Variants in PCBD2 observed in about 807,000 individuals in gnomAD.
The protein encoded by PCBD2 is pterin-4 alpha-carbinolamine dehydratase 2, also known as pterin-4-alpha-carbinolamine dehydratase 2.
A neutral mutation model predicts 16.4 loss-of-function variants in PCBD2; 12 were observed. The ratio of observed to expected loss-of-function variants is 0.73; its 90% confidence interval spans 0.47 to 1.19. PCBD2 has a LOEUF of 1.19. Ranked by LOEUF, PCBD2 falls within the 50% of genes most tolerant of loss-of-function variation. The pLI, the probability that PCBD2 is intolerant of heterozygous loss-of-function variation, is 0.00. For missense variants in PCBD2, 138 were observed against 156.8 expected (o/e 0.88, Z 0.64); for synonymous variants, 58 against 61.8 (o/e 0.94, Z 0.29).
chr5:134,959,841 G>A (rs1751455254), intron 3 of PCBD2, among the ~76,000 whole-genome samples: 1 of 149,238 alleles, frequency 6.7e-6, no homozygotes, highest in South Asian at 2.1e-4. Flanking sequence ...TCAAGAAACA[G>A]CATTCCATCC....
At chr5:134,941,713 A>G (rs1751230160) in intron 2 of PCBD2, among the ~76,000 whole-genome samples, 1 of 152,258 alleles carries the variant, frequency 6.6e-6, no homozygotes. Flanking sequence ...ACACAATTAA[A>G]TGAATATTAT....
chr5:134,929,146 G>A (rs1006304542), intron 2 of PCBD2, among the ~76,000 whole-genome samples: 10 of 152,096 alleles, frequency 6.6e-5, no homozygotes, highest in Non-Finnish European at 1.5e-4. Context: ...CCATTTAGGG[G>A]TGAGTTAGAA....
chr5:134,939,577 C>T (rs994513445), intron 2 of PCBD2, among the ~76,000 whole-genome samples: 7 of 152,128 alleles, frequency 4.6e-5, no homozygotes, highest in African/African-American at 1.7e-4. Context: ...AGACAACCTC[C>T]ATTCTTAAAA....
chr5:134,910,477 T>C lies in PCBD2; in HGVS notation c.216+11T>C, dbSNP rs1317331791. On this transcript the variant is annotated intron_variant, in intron 2 of 3. Coordinates refer to ENST00000254908, the MANE Select transcript of PCBD2 (RefSeq NM_032151.5). The stretch of plus-strand genomic sequence containing the variant: ...CACAATTTTAATCAGGTAATTGTTA[T>C]AAATTCTTGCTAGGGCTGTGGTCTA... The C allele has an allele frequency of 2.5e-6, 4 of 1,613,576 alleles. No homozygotes were observed. The highest frequency in any genetic ancestry group is 1.3e-5 in the African/African-American group (1 of 74,930).
At chr5:134,946,347 T>G (rs1751295501) in intron 2 of PCBD2, among the ~76,000 whole-genome samples, 1 of 152,184 alleles carries the variant, frequency 6.6e-6, no homozygotes, top group African/African-American at 2.4e-5. Flanking sequence ...TGAGACGGTT[T>G]CTTTGCTGGG....
chr5:134,912,554 G>T (rs1285598238), intron 2 of PCBD2, among the ~76,000 whole-genome samples: 3 of 152,194 alleles, frequency 2.0e-5, no homozygotes, highest in Admixed American at 2.0e-4. Flanking sequence ...TTAATAAATC[G>T]TATCTATAGG....
chr5:134,953,501 T>A (rs1751381836), intron 2 of PCBD2, among the ~76,000 whole-genome samples: 1 of 151,908 alleles, frequency 6.6e-6, no homozygotes, highest in African/African-American at 2.4e-5. Flanking sequence ...GAAAATATAG[T>A]CTTCTATTTC....
At chr5:134,957,217 C>G (rs1751424405) in intron 2 of PCBD2, among the ~76,000 whole-genome samples, 1 of 152,136 alleles carries the variant, frequency 6.6e-6, no homozygotes, top group Non-Finnish European at 1.5e-5. Flanking sequence ...CAAGATAATC[C>G]CACTGCACTC....
At chr5:134,936,921 T>G (rs1291094484) in intron 2 of PCBD2, among the ~76,000 whole-genome samples, 3 of 152,188 alleles carry the variant, frequency 2.0e-5, no homozygotes, top group African/African-American at 7.2e-5. Flanking sequence ...TTGCCAGATT[T>G]TGTCACTCAT....
At chr5:134,953,665 G>A (rs766985002) in intron 2 of PCBD2, among the ~76,000 whole-genome samples, 1 of 151,970 alleles carries the variant, frequency 6.6e-6, no homozygotes. Context: ...GCCGGGTGTG[G>A]TGGCACGTGC....
chr5:134,935,338 T>G (rs1294643259), intron 2 of PCBD2, among the ~76,000 whole-genome samples: 1 of 152,230 alleles, frequency 6.6e-6, no homozygotes, highest in Non-Finnish European at 1.5e-5. Flanking sequence ...CTTAGAAAAT[T>G]GGGTACATGC....
At chr5:134,943,358 T>G (rs1751255040) in intron 2 of PCBD2, among the ~76,000 whole-genome samples, 1 of 152,118 alleles carries the variant, frequency 6.6e-6, no homozygotes, top group South Asian at 2.1e-4. Context: ...AAACATGAAT[T>G]AGCAAGTGGG....
chr5:134,955,219 C>T (rs1308135747), intron 2 of PCBD2, among the ~76,000 whole-genome samples: 7 of 151,086 alleles, frequency 4.6e-5, no homozygotes, highest in Admixed American at 4.6e-4. Context: ...AAATTTTTAT[C>T]CCCAAGTGTT....
chr5:134,943,664 G>A (rs534194619), intron 2 of PCBD2, among the ~76,000 whole-genome samples: 1 of 152,166 alleles, frequency 6.6e-6, no homozygotes, highest in Non-Finnish European at 1.5e-5. Flanking sequence ...ACAAGAGACT[G>A]AAAAATGGTG....
chr5:134,926,521 CT>C, intron 2 of PCBD2: 1 of 394,864 alleles, frequency 2.5e-6, no homozygotes, highest in Admixed American at 4.4e-5. Flanking sequence ...GGCTGTTATC[CT>C]TTAAAAGTTG....
At chr5:134,927,185 C>T (rs1241024783) in intron 2 of PCBD2, 14 of 398,224 alleles carry the variant, frequency 3.5e-5, no homozygotes, top group Admixed American at 1.3e-4. Flanking sequence ...ATGCAATGAG[C>T]GATTTTAGGT....
intron 2 of PCBD2, chr5:134,925,987 C>G (rs1280878879): frequency 2.6e-6 from 1 of 386,864 alleles, no homozygotes; most frequent in Non-Finnish European, 4.6e-6. Flanking sequence ...TCGGGCGTAT[C>G]ATCAACTAAT....
intron 2 of PCBD2, among the ~76,000 whole-genome samples, chr5:134,955,716 C>T (rs1396822691): frequency 2.0e-5 from 3 of 152,130 alleles, no homozygotes; most frequent in African/African-American, 7.2e-5. Context: ...TTTCTGGATC[C>T]TGTCCTCTTG....
In PCBD2 at chr5:134,962,038, G is replaced by T. The variant is rs1751483809; in HGVS notation, c.*1357G>T. Among the ~76,000 whole-genome samples the T allele has an allele frequency of 6.6e-6, 1 of 151,148 alleles. No individual in the cohort carries two copies. Among genetic ancestry groups the T allele is most frequent in the Non-Finnish European group, 1.5e-5 (1 of 67,922 alleles). ...TGCCTCCCAAAGTCCAAGGATTACA[G>T]GTGTGAGCCATTGCCCCCAGCCAGT... On this transcript the variant is annotated 3_prime_UTR_variant, in exon 4 of 4. Transcript: ENST00000254908.
Sources: gnomAD v4.1 joint callset for allele counts (sites outside exome capture counted in the v4.1 genomes callset) on GRCh38, gnomAD v4.1.1 for gene constraint, MANE v1.5 for transcripts, NCBI Gene and HGNC (gene_info 2026-07-23, HGNC 2026-07-21) for gene names.